EFCAB13: variants seen among roughly 807,000 people sequenced by gnomAD.
EFCAB13 encodes EF-hand calcium binding domain 13.
In EFCAB13, 91 loss-of-function variants were observed where a neutral mutation model predicts 110.2. The ratio of observed to expected loss-of-function variants is 0.83; its 90% CI spans 0.70 to 0.98. EFCAB13 has a LOEUF of 0.98. Among genes scored for constraint, EFCAB13 ranks in the 50% least tolerant of loss-of-function variants. The probability of loss-of-function intolerance (pLI) is 0.00; values close to 1 mark genes in which losing one functional copy is unlikely to be tolerated. For synonymous variants in EFCAB13, 323 were observed against 369.9 expected (o/e 0.87, Z 1.45); for missense variants, 968 against 1,119.4 (o/e 0.86, Z 1.93).
intron 8 of EFCAB13, among the ~76,000 whole-genome samples, chr17:47,346,253 A>C (rs535947805): frequency 6.6e-6 from 1 of 152,136 alleles, no homozygotes; most frequent in African/African-American, 2.4e-5. Flanking sequence ...TCTTTGTTCC[A>C]TAAGTTTGAC....
chr17:47,393,216 A>G (rs1811975327), intron 15 of EFCAB13, among the ~76,000 whole-genome samples: 1 of 152,174 alleles, frequency 6.6e-6, no homozygotes, highest in Non-Finnish European at 1.5e-5. Context: ...GGCTCATGAC[A>G]TACATTTTTA....
intron 18 of EFCAB13, 50 bp downstream of exon 18, chr17:47,402,253 C>G: frequency 1.3e-6 from 2 of 1,543,108 alleles, no homozygotes; most frequent in Non-Finnish European, 8.9e-7. Context: ...ATTGAAAGGA[C>G]TTGCTTTTGT....
intron 14 of EFCAB13, among the ~76,000 whole-genome samples, chr17:47,391,169 G>A (rs778430790): frequency 2.6e-5 from 4 of 151,982 alleles, no homozygotes; most frequent in Non-Finnish European, 4.4e-5. Context: ...TCAAATCCCT[G>A]GCCTCAAGTG....
At chr17:47,325,941 TATATATATATATATATATATAG>T (rs1272425241) in intron 2 of EFCAB13, among the ~76,000 whole-genome samples, 3 of 61,952 alleles carry the variant, frequency 4.8e-5, no homozygotes, top group East Asian at 4.9e-4. Context: ...TATATATATA[TATATATATATATATATATATAG>T]CATATATATA....
At chr17:47,405,010 T>C (rs1473300371) in intron 20 of EFCAB13, among the ~76,000 whole-genome samples, 1 of 152,174 alleles carries the variant, frequency 6.6e-6, no homozygotes, top group Non-Finnish European at 1.5e-5. Flanking sequence ...GAAATATCCC[T>C]ATGAAGCTTT....
chr17:47,403,192 A>AT (rs2065787898), intron 18 of EFCAB13, among the ~76,000 whole-genome samples: 1 of 152,142 alleles, frequency 6.6e-6, no homozygotes, highest in African/African-American at 2.4e-5. Context: ...AATAATAATA[A>AT]AACTAATTTT....
intron 5 of EFCAB13, among the ~76,000 whole-genome samples, chr17:47,337,526 TATTC>T (rs1387900356): frequency 6.6e-6 from 1 of 152,226 alleles, no homozygotes; most frequent in Non-Finnish European, 1.5e-5. Flanking sequence ...TGTTTTTACT[TATTC>T]ATTATTTATA....
intron 4 of EFCAB13, among the ~76,000 whole-genome samples, chr17:47,332,950 C>T (rs2065328296): frequency 6.6e-6 from 1 of 152,172 alleles, no homozygotes; most frequent in African/African-American, 2.4e-5. Context: ...ATTGCTGGAT[C>T]ACACGGTAAT....
chr17:47,347,373 A>AT (rs1211623755), intron 8 of EFCAB13, among the ~76,000 whole-genome samples: 1 of 152,166 alleles, frequency 6.6e-6, no homozygotes, highest in East Asian at 1.9e-4. Context: ...TTCAATAGAC[A>AT]TTTTTTTGAG....
rs115612925 is a variant in EFCAB13 at position 47,390,683 on chromosome 17, C to T, written c.1583-754C>T. ...CCAAAGACTGAGCCATGTATTGCCA[C>T]AAAATTATCCAAGTTTATCATTTTG... On this transcript the variant is annotated intron_variant, in intron 14 of 24. Transcript: ENST00000331493. 2.9e-3 allele frequency among the ~76,000 whole-genome samples: 448 copies of T among 152,178 alleles called. 3 individuals are homozygous for T. Among genetic ancestry groups the T allele is most frequent in the African/African-American group, 0.01 (423 of 41,498 alleles).
chr17:47,439,530 T>C (rs1187629823), intron 24 of EFCAB13, among the ~76,000 whole-genome samples: 1 of 152,150 alleles, frequency 6.6e-6, no homozygotes, highest in Non-Finnish European at 1.5e-5. Context: ...TCCTAAATTT[T>C]TATTTCCTGA....
intron 10 of EFCAB13, among the ~76,000 whole-genome samples, chr17:47,362,892 A>G (rs768027442): frequency 2.6e-5 from 4 of 152,050 alleles, no homozygotes; most frequent in Non-Finnish European, 4.4e-5. Context: ...TTTGTATCCA[A>G]TAAATATCAG....
intron 24 of EFCAB13, among the ~76,000 whole-genome samples, chr17:47,438,604 G>A (rs368755786): frequency 5.3e-5 from 8 of 150,542 alleles, no homozygotes; most frequent in South Asian, 4.2e-4. Flanking sequence ...GAGACTTTCC[G>A]GAGCATTTTG....
chr17:47,379,280 AT>A, intron 14 of EFCAB13, 27 bp downstream of exon 14: 2 of 1,566,360 alleles, frequency 1.3e-6, no homozygotes, highest in Non-Finnish European at 8.8e-7. Context: ...TTTTAAAATG[AT>A]TTAGAGGGAA....
chr17:47,324,285 T>C (rs1233456248), intron 1 of EFCAB13, among the ~76,000 whole-genome samples, 169 bp from the exon 2 acceptor site: 4 of 151,998 alleles, frequency 2.6e-5, no homozygotes, highest in African/African-American at 7.3e-5. Flanking sequence ...TGACTGAGAC[T>C]GATCAGGTGG....
chr17:47,329,937 A>T (rs2065310069), intron 4 of EFCAB13: 1 of 152,184 alleles, frequency 6.6e-6, no homozygotes, highest in African/African-American at 2.4e-5. Flanking sequence ...AATGATGCAG[A>T]TTCTAAAAGT....
intron 4 of EFCAB13, among the ~76,000 whole-genome samples, chr17:47,329,570 G>A (rs988101901): frequency 6.6e-6 from 1 of 152,068 alleles, no homozygotes; most frequent in African/African-American, 2.4e-5. Context: ...CTTATAAACT[G>A]ATTTTGAAGA....
At chr17:47,433,129 C>G (rs1341498984) in intron 24 of EFCAB13, among the ~76,000 whole-genome samples, 1 of 152,066 alleles carries the variant, frequency 6.6e-6, no homozygotes, top group Admixed American at 6.6e-5. Context: ...GTCTTTCCTT[C>G]TATTTAGTGA....
intron 24 of EFCAB13, 128 bp downstream of exon 24, chr17:47,430,089 TG>T: frequency 7.3e-7 from 1 of 1,377,866 alleles, no homozygotes; most frequent in Non-Finnish European, 9.4e-7. Context: ...TGCTGGACAC[TG>T]GTACTGCCCC....
Sources: allele counts gnomAD v4.1 joint callset (sites outside exome capture counted in the v4.1 genomes callset), GRCh38; gene constraint gnomAD v4.1.1; transcripts MANE v1.5; gene names NCBI Gene and HGNC (gene_info 2026-07-23, HGNC 2026-07-21).